Variants in SENP1 observed in about 807,000 individuals in gnomAD.
The protein encoded by SENP1 is sentrin-specific protease 1.
In SENP1, 21 loss-of-function variants were observed where a neutral mutation model predicts 93.0. The ratio of observed to expected loss-of-function variants is 0.23; its 90% CI spans 0.16 to 0.33. The LOEUF (loss-of-function observed/expected upper bound fraction) is 0.33. Ranked by LOEUF, SENP1 falls within the 10% of genes least tolerant of loss-of-function variation. The pLI, the probability that SENP1 is intolerant of heterozygous loss-of-function variation, is 1.00. For missense variants in SENP1, 591 were observed against 758.7 expected (o/e 0.78, Z 2.60); for synonymous variants, 256 against 259.6 (o/e 0.99, Z 0.13).
chr12:48,056,430 CATATAT>C (rs1403419178), intron 13 of SENP1, among the ~76,000 whole-genome samples: 1 of 103,944 alleles, frequency 9.6e-6, no homozygotes, highest in Non-Finnish European at 1.7e-5. Flanking sequence ...GTACATATTA[CATATAT>C]AATTATTTAA....
intron 1 of SENP1, among the ~76,000 whole-genome samples, chr12:48,104,626 T>C (rs1946324122): frequency 6.6e-6 from 1 of 152,202 alleles, no homozygotes; most frequent in Admixed American, 6.5e-5. Flanking sequence ...AGCAGCTCAC[T>C]GTCCAGTAGG....
chr12:48,076,212 C>T (rs548817262), intron 6 of SENP1, among the ~76,000 whole-genome samples: 140 of 152,340 alleles, frequency 9.2e-4, no homozygotes, highest in African/African-American at 3.0e-3. Context: ...TAATTTTAAA[C>T]ATTATGTCAG....
chr12:48,089,720 A>G (rs1419187784), intron 4 of SENP1, among the ~76,000 whole-genome samples: 1 of 152,220 alleles, frequency 6.6e-6, no homozygotes. Flanking sequence ...CCCTATCTGC[A>G]GAATTGGACA....
chr12:48,056,538 T>A (rs1215534070), intron 13 of SENP1, among the ~76,000 whole-genome samples: 1 of 55,502 alleles, frequency 1.8e-5, no homozygotes, highest in African/African-American at 1.2e-4. Context: ...TATATAAATA[T>A]ATTATTTAAT....
intron 13 of SENP1, among the ~76,000 whole-genome samples, chr12:48,049,690 A>T (rs1483175368): frequency 6.6e-6 from 1 of 152,230 alleles, no homozygotes; most frequent in Non-Finnish European, 1.5e-5. Context: ...CCCATCCTGC[A>T]GAGGCAAACT....
intron 13 of SENP1, among the ~76,000 whole-genome samples, chr12:48,051,324 A>C (rs1941800429): frequency 6.6e-6 from 1 of 152,146 alleles, no homozygotes; most frequent in South Asian, 2.1e-4. Context: ...TTCCTCTTCC[A>C]TTGCTGCACC....
chr12:48,085,540 T>G (rs1944794666), intron 5 of SENP1: 1 of 497,582 alleles, frequency 2.0e-6, no homozygotes, highest in Non-Finnish European at 3.6e-6. Flanking sequence ...TCCCTGCCCC[T>G]TCCCACTCCA....
At chr12:48,105,810 G>A (rs183870969) in intron 1 of SENP1, 3 of 593,934 alleles carry the variant, frequency 5.1e-6, no homozygotes, top group Non-Finnish European at 9.0e-6. Context: ...AACGGCCTCA[G>A]GTAGCCTAAC....
chr12:48,098,220 C>A, intron 2 of SENP1, 96 bp from the exon 3 acceptor site: 1 of 1,286,798 alleles, frequency 7.8e-7, no homozygotes, highest in Non-Finnish European at 1.1e-6. Flanking sequence ...CAATTCCCAC[C>A]CAGGCATGGT....
At chr12:48,104,226 A>T (rs1001610465) in intron 1 of SENP1, among the ~76,000 whole-genome samples, 12 of 53,678 alleles carry the variant, frequency 2.2e-4, no homozygotes, top group African/African-American at 1.1e-3. Flanking sequence ...AGAAGAAAAA[A>T]ATATATATAG....
chr12:48,101,593 T>C (rs1945938221), intron 1 of SENP1, 77 bp from the exon 2 acceptor site: 1 of 731,830 alleles, frequency 1.4e-6, no homozygotes, highest in Non-Finnish European at 2.3e-6. Flanking sequence ...GTGCAGCCAC[T>C]AGAAGTGACA....
intron 6 of SENP1, among the ~76,000 whole-genome samples, chr12:48,076,829 T>C (rs575546538): frequency 2.4e-4 from 37 of 151,526 alleles, no homozygotes; most frequent in African/African-American, 8.5e-4. Context: ...TTATTTTTAG[T>C]AGAGACGGGG....
chr12:48,104,270 GGGGCGGA>G (rs1565820732), intron 1 of SENP1, among the ~76,000 whole-genome samples: 2 of 64,280 alleles, frequency 3.1e-5, no homozygotes, highest in Non-Finnish European at 7.4e-5. Context: ...GGGGGGGGGG[GGGGCGGA>G]GGGAGGGAGA....
chr12:48,052,371 G>C (rs1181215269), intron 13 of SENP1, among the ~76,000 whole-genome samples: 1 of 152,102 alleles, frequency 6.6e-6, no homozygotes. Context: ...ATTAGCTTGA[G>C]AAAAAATGTT....
intron 6 of SENP1, among the ~76,000 whole-genome samples, chr12:48,082,463 C>A (rs1217735615): frequency 6.6e-6 from 1 of 152,142 alleles, no homozygotes; most frequent in African/African-American, 2.4e-5. Context: ...CCCTTATTTT[C>A]CTAATCTGTA....
intron 15 of SENP1, among the ~76,000 whole-genome samples, chr12:48,047,672 T>C (rs1941474068): frequency 1.3e-5 from 2 of 152,290 alleles, no homozygotes; most frequent in East Asian, 1.9e-4. Flanking sequence ...CACTAACTAA[T>C]AGGACCTGGG....
Position 48,088,897 on chromosome 12 carries a change from T to C in SENP1, c.284A>G (p.Asn95Ser). Residue 95 changes from asparagine (N) to serine (S), a missense_variant, in exon 5 of 18, where the codon AAT becomes AGT. Transcript: ENST00000549518. ...GDLRTFGQSA[N>S]GQWRNSTPSS... Reference sequence around the variant, plus strand: ...TGGGGTAGAATTTCTCCATTGGCCATTTGCACTCTGGCCAAAGGTTCTTAA... The same window carrying C: ...TGGGGTAGAATTTCTCCATTGGCCACTTGCACTCTGGCCAAAGGTTCTTAA... 6.2e-7 allele frequency: 1 copy of C among 1,601,532 alleles called. No homozygotes were observed. The highest frequency in any genetic ancestry group is 8.5e-7 in the Non-Finnish European group (1 of 1,173,278).
chr12:48,096,757 T>C (rs1209469987), intron 3 of SENP1, among the ~76,000 whole-genome samples: 9 of 151,982 alleles, frequency 5.9e-5, no homozygotes, highest in Non-Finnish European at 2.9e-5. Flanking sequence ...CGCCCGGCCA[T>C]GTCACTTTTT....
At position 48,096,412 on chromosome 12, in the gene SENP1, G is replaced by T; in HGVS notation, c.151C>A (p.Gln51Lys). Reference sequence around the variant, plus strand: ...GTAAAAGATCGGTCCAAATGTCCTTGCCTGGAAGATAAAATCTAAACAAAG... The same window carrying T: ...GTAAAAGATCGGTCCAAATGTCCTTTCCTGGAAGATAAAATCTAAACAAAG... ...LSDQQILSSR[Q>K]GHLDRSFTCS... is the part of the protein sequence containing the mutation. Residue 51 changes from glutamine (Q) to lysine (K), a missense_variant, in exon 4 of 18, where the codon CAA becomes AAA. Physicochemically the swap from Gln to Lys is moderately conservative, Grantham distance 53 (BLOSUM62 1). Around this residue, in one of 4 missense-constraint regions of SENP1, gnomAD observed 214 missense variants for 243.4 expected, o/e 0.88. Transcript: ENST00000549518. 1 of 1,607,742 alleles carries T rather than the reference G, an allele frequency of 6.2e-7. No individual in the cohort carries two copies. The highest frequency in any genetic ancestry group is 8.5e-7 in the Non-Finnish European group (1 of 1,175,298).
Sources: allele counts gnomAD v4.1 joint callset (sites outside exome capture counted in the v4.1 genomes callset), GRCh38; gene constraint gnomAD v4.1.1; regional missense constraint gnomAD v4.1.1; transcripts MANE v1.5; gene names NCBI Gene and HGNC (gene_info 2026-07-23, HGNC 2026-07-21).